CHD4: variants seen among roughly 807,000 people sequenced by gnomAD.
The protein encoded by CHD4 is chromodomain helicase DNA binding protein 4.
In CHD4, 35 loss-of-function variants were observed where a neutral mutation model predicts 235.5. The observed-to-expected ratio is 0.15, with a 90% CI of 0.11 to 0.20. The LOEUF is 0.20. Among genes scored for constraint, CHD4 ranks in the 10% least tolerant of loss-of-function variants. The pLI is 1.00. For synonymous variants in CHD4, 900 were observed against 850.2 expected, an observed-to-expected ratio of 1.06 and a Z score of -1.02; for missense variants, 1,329 against 2,432.3, an observed-to-expected ratio of 0.55 and a Z score of 9.54.
At position 6,588,493 on chromosome 12, in the gene CHD4, T is replaced by C. The variant is rs1948338559; in HGVS notation, c.3341-71A>G. 2.0e-5 allele frequency: 32 copies of C among 1,561,134 alleles called. No individual in the cohort carries two copies. In the South Asian group the frequency reaches 3.4e-4, roughly 17 times the overall value. Reference sequence around the variant, plus strand: ...CAATTCATAAATGTAGTTTAAAAAATTAAGCCGGGGGCAGTGGCTCATGCC... The same window carrying C: ...CAATTCATAAATGTAGTTTAAAAAACTAAGCCGGGGGCAGTGGCTCATGCC... On this transcript the variant is annotated intron_variant, in intron 22 of 39. Transcript: ENST00000544040.
At chr12:6,582,115 T>A in intron 30 of CHD4, 22 bp downstream of exon 30, 2 of 1,528,670 alleles carry the variant, frequency 1.3e-6, no homozygotes, top group Admixed American at 2.1e-5. Flanking sequence ...CTAGAAACAA[T>A]GGCAAGAGGC....
Position 6,594,619 on chromosome 12 carries a change from T to G in CHD4, c.2153A>C (p.Tyr718Ser). Residue 718 changes from tyrosine (Y) to serine (S), a missense_variant, in exon 15 of 40, where the codon TAC becomes TCC. This residue lies in a region of CHD4 where 121 missense variants were observed against 177.8 expected (regional missense o/e 0.68). Transcript: ENST00000544040. ...CAGGGTTCCACCTGTAGCATCCAGG[T>G]ACTCTGGCTGTCGCTCATACTTCAC... ...PTVKYERQPE[Y>S]LDATGGTLHP... 1.9e-6 allele frequency: 3 copies of G among 1,613,830 alleles called. No homozygotes were observed. The highest frequency in any genetic ancestry group is 2.5e-6 in the Non-Finnish European group (3 of 1,179,916).
In CHD4 at chr12:6,591,795, CATACATGCCATT is replaced by C; in HGVS notation, c.3109_3120del (p.Asn1037_Tyr1040del). The C allele has an allele frequency of 6.2e-7, 1 of 1,614,212 alleles. No homozygotes were observed. Among genetic ancestry groups the C allele is most frequent in the Non-Finnish European group, 8.5e-7 (1 of 1,180,038 alleles). ...GATGCTCTGATTAGGGCACTGCCATCATACATGCCATTAGGCATCTTAGGAGCTTCCTGAGAA... is the reference window on the plus strand; with the variant it reads ...GATGCTCTGATTAGGGCACTGCCATCAGGCATCTTAGGAGCTTCCTGAGAA... On this transcript the variant is annotated inframe_deletion, in exon 21 of 40. Transcript: ENST00000544040.
At chr12:6,585,098 G>C (rs1449611440) in intron 25 of CHD4, among the ~76,000 whole-genome samples, 2 of 152,176 alleles carry the variant, frequency 1.3e-5, no homozygotes, top group African/African-American at 2.4e-5. Context: ...AATGCCAACT[G>C]AAAGAACCCG....
At chr12:6,585,876 T>A (rs1185605762) in intron 25 of CHD4, among the ~76,000 whole-genome samples, 2 of 150,760 alleles carry the variant, frequency 1.3e-5, no homozygotes, top group Admixed American at 6.6e-5. Context: ...GGCAGGCGGA[T>A]CACTTGAGGT....
At chr12:6,586,437 C>T (rs1332203412) in intron 25 of CHD4, among the ~76,000 whole-genome samples, 1 of 151,704 alleles carries the variant, frequency 6.6e-6, no homozygotes, top group Non-Finnish European at 1.5e-5. Context: ...CATACATACA[C>T]AAGGAGGCCT....
chr12:6,575,639 C>G (rs916662473), intron 37 of CHD4, among the ~76,000 whole-genome samples: 4 of 152,110 alleles, frequency 2.6e-5, no homozygotes, highest in Admixed American at 2.0e-4. Flanking sequence ...GATTATATGA[C>G]AGTTTTATAA....
At position 6,606,467 on chromosome 12, in the gene CHD4, G is replaced by A; in HGVS notation, c.-78-16C>T. 1.5e-6 allele frequency: 1 copy of A among 659,752 alleles called. No homozygotes were observed. The highest frequency in any genetic ancestry group is 2.6e-6 in the Non-Finnish European group (1 of 391,268). The allele number at this position is 659,752 out of a possible 1,614,324, so 40.9% of individuals were successfully genotyped here. A position where few individuals can be genotyped will look rare whatever the true frequency, so the allele number is the denominator to read the frequency against. On this transcript the variant is annotated splice_polypyrimidine_tract_variant and intron_variant, in intron 1 of 39. Transcript: ENST00000544040. ...GCCCGAGTCACTGTGCGGGGGAGGGGGGAGAAACACAGAACAGTCAGTGAC... is the reference window on the plus strand; with the variant it reads ...GCCCGAGTCACTGTGCGGGGGAGGGAGGAGAAACACAGAACAGTCAGTGAC...
intron 22 of CHD4, chr12:6,590,017 G>C (rs1220771840): frequency 1.3e-5 from 2 of 152,114 alleles, no homozygotes; most frequent in Admixed American, 1.3e-4. Context: ...TGGCCAACAT[G>C]GTGAAACCCT....
chr12:6,573,660 T>A (rs1948018437), intron 37 of CHD4, among the ~76,000 whole-genome samples: 1 of 152,194 alleles, frequency 6.6e-6, no homozygotes, highest in African/African-American at 2.4e-5. Context: ...ATACCCATAT[T>A]ATGTTTTCAT....
At chr12:6,607,242 C>T (rs373098902) in intron 1 of CHD4, 58 bp downstream of exon 1, 3 of 151,988 alleles carry the variant, frequency 2.0e-5, no homozygotes, top group Non-Finnish European at 2.9e-5. Context: ...ACGGGATGAC[C>T]CTCGGGGCTG....
chr12:6,581,880 C>T (rs1449354692), intron 30 of CHD4, 66 bp from the exon 31 acceptor site: 23 of 1,472,642 alleles, frequency 1.6e-5, no homozygotes, highest in Non-Finnish European at 2.0e-5. Flanking sequence ...TATTGGCCTT[C>T]CAGTCTCCGC....
Position 6,599,647 on chromosome 12 carries a change from AAGG to A in CHD4, c.1482+123_1482+125del, listed in dbSNP as rs1372260050. 15 of 1,178,518 alleles carry A rather than the reference AAGG, an allele frequency of 1.3e-5. No homozygotes were observed. In the African/African-American group the frequency reaches 1.8e-4, roughly 14 times the overall value. 73.0% of individuals were successfully genotyped at this position (1,178,518 alleles called of 1,614,324 possible). A position where few individuals can be genotyped will look rare whatever the true frequency, so the allele number is the denominator to read the frequency against. ...AAAAGTATCCCAACACTATAGGATGAAGGAGAATACCTTTCTCAGGGCTGAAAA... is the reference window on the plus strand; with the variant it reads ...AAAAGTATCCCAACACTATAGGATGAAGAATACCTTTCTCAGGGCTGAAAA... On this transcript the variant is annotated intron_variant, in intron 10 of 39. Transcript: ENST00000544040.
intron 12 of CHD4, among the ~76,000 whole-genome samples, chr12:6,596,812 TAGGC>T (rs982161239): frequency 6.9e-6 from 1 of 145,408 alleles, no homozygotes; most frequent in African/African-American, 2.6e-5. Flanking sequence ...AAAAAAAAAT[TAGGC>T]AGGCGTGGTG....
Position 6,593,620 on chromosome 12 carries a change from T to A in CHD4, c.2314-4A>T. On this transcript the variant is annotated splice_region_variant and splice_polypyrimidine_tract_variant and intron_variant, in intron 15 of 39. Transcript: ENST00000544040. This position sits in a 1 kb window ranked among gnomAD's most constrained non-coding sequence, Gnocchi z 4.9. ...GGAAGGGGCCTTTGGAATGACCCTT[T>A]GAGAAAAAAGAGGAGAGTCAGGACT... The A allele has an allele frequency of 6.2e-7, 1 of 1,613,344 alleles. No individual in the cohort carries two copies. The highest frequency in any genetic ancestry group is 8.5e-7 in the Non-Finnish European group (1 of 1,179,796).
chr12:6,598,581 C>T (rs1489887411), intron 10 of CHD4, among the ~76,000 whole-genome samples, 156 bp from the exon 11 acceptor site: 3 of 152,156 alleles, frequency 2.0e-5, no homozygotes, highest in Non-Finnish European at 4.4e-5. Flanking sequence ...GAGGCCGAGG[C>T]GGGCAGATCA....
At position 6,592,776 on chromosome 12, in the gene CHD4, C is replaced by T. The variant is rs571629969; in HGVS notation, c.2694G>A (p.Leu898=). 1.2e-6 allele frequency: 2 copies of T among 1,613,908 alleles called. No homozygotes were observed. Among genetic ancestry groups the T allele is most frequent in the East Asian group, 2.2e-5 (1 of 44,880 alleles). Residue 898 remains leucine (L), a synonymous_variant, in exon 18 of 40, where the codon CTG becomes CTA. Transcript: ENST00000544040. ...TTTGTAATGGTGTCCCAGTCAGCAA[C>T]AGCTTGTGCTGGAGTGAGTAACCAT... ...VLNGYSLQHK[L]LLTGTPLQNN...
At chr12:6,599,742 T>A (rs983956681) in intron 10 of CHD4, 31 bp downstream of exon 10, 3 of 1,613,218 alleles carry the variant, frequency 1.9e-6, no homozygotes, top group African/African-American at 2.7e-5. Context: ...CACTTTCCCA[T>A]TTTTTGCCCC....
Position 6,578,455 on chromosome 12 carries a change from A to G in CHD4, c.5073T>C (p.Asn1691=). The G allele has an allele frequency of 1.9e-6, 3 of 1,613,982 alleles. No homozygotes were observed. The highest frequency in any genetic ancestry group is 2.2e-5 in the South Asian group (2 of 91,042). ...TGTTAAACATGAAACGTTGTTTAATATTTTTCTTCTGTTTCTCATCATTCA... is the reference window on the plus strand; with the variant it reads ...TGTTAAACATGAAACGTTGTTTAATGTTTTTCTTCTGTTTCTCATCATTCA... ...KDLNDEKQKK[N]IKQRFMFNIA... Residue 1691 remains asparagine (N), a synonymous_variant, in exon 35 of 40, where the codon AAT becomes AAC. Transcript: ENST00000544040.
Sources: gnomAD v4.1 joint callset for allele counts (sites outside exome capture counted in the v4.1 genomes callset) on GRCh38, gnomAD v4.1.1 for gene constraint, gnomAD v4.1.1 regional missense constraint, Gnocchi (gnomAD v3.1) non-coding constraint, MANE v1.5 for transcripts, NCBI Gene and HGNC (gene_info 2026-07-23, HGNC 2026-07-21) for gene names.